CDK14: variants seen among roughly 807,000 people sequenced by gnomAD.
CDK14 encodes the protein cyclin dependent kinase 14, also known as cyclin-dependent kinase 14.
A neutral mutation model predicts 60.7 loss-of-function variants in CDK14; 34 were observed. The ratio of observed to expected loss-of-function variants is 0.56; its 90% confidence interval spans 0.43 to 0.75. The LOEUF (loss-of-function observed/expected upper bound fraction) is 0.75. CDK14 is among the 30% of genes least tolerant of loss of function. The pLI is 0.00. For synonymous variants in CDK14, 197 were observed against 203.7 expected, an observed-to-expected ratio of 0.97 and a Z score of 0.28; for missense variants, 482 against 564.1, an observed-to-expected ratio of 0.85 and a Z score of 1.47.
At chr7:90,750,538 A>G (rs902653662) in intron 4 of CDK14, among the ~76,000 whole-genome samples, 2 of 152,238 alleles carry the variant, frequency 1.3e-5, no homozygotes, top group Non-Finnish European at 2.9e-5. Context: ...AAAGGAAATC[A>G]GTCAGCGTTT....
chr7:90,597,850 T>G (rs1799228452), intron 1 of CDK14, among the ~76,000 whole-genome samples: 1 of 134,332 alleles, frequency 7.4e-6, no homozygotes, highest in South Asian at 2.3e-4. Context: ...TTTTTTTTTT[T>G]GTCTTTCGAC....
chr7:90,605,102 T>C (rs1799390539), intron 2 of CDK14, among the ~76,000 whole-genome samples: 1 of 152,210 alleles, frequency 6.6e-6, no homozygotes, highest in Admixed American at 6.5e-5. Context: ...TTTTAATAGT[T>C]ACATATTCCA....
chr7:90,677,926 C>G (rs1175226434), intron 2 of CDK14, among the ~76,000 whole-genome samples: 1 of 152,152 alleles, frequency 6.6e-6, no homozygotes, highest in African/African-American at 2.4e-5. Context: ...TAGGATGATG[C>G]CCAGTGGTGC....
chr7:90,825,381 T>C (rs571309570), intron 5 of CDK14, among the ~76,000 whole-genome samples: 16 of 152,188 alleles, frequency 1.1e-4, no homozygotes, highest in Non-Finnish European at 2.1e-4. Flanking sequence ...AGAAAAGTTA[T>C]GTATAAAGGA....
chr7:90,637,303 T>C (rs1036176119), intron 2 of CDK14, among the ~76,000 whole-genome samples: 1 of 151,920 alleles, frequency 6.6e-6, no homozygotes, highest in African/African-American at 2.4e-5. Context: ...CACACTGCTT[T>C]GAATGTGTCC....
intron 14 of CDK14, among the ~76,000 whole-genome samples, chr7:91,184,948 G>A (rs1802124084): frequency 2.6e-5 from 4 of 151,776 alleles, no homozygotes; most frequent in Admixed American, 2.0e-4. Flanking sequence ...AAATCCTAGA[G>A]AAGAAGGGCA....
intron 12 of CDK14, among the ~76,000 whole-genome samples, chr7:91,098,519 AAGAAAGAG>A (rs1204605254): frequency 2.7e-5 from 4 of 148,940 alleles, no homozygotes; most frequent in African/African-American, 4.9e-5. Context: ...AAGAAAAAGA[AAGAAAGAG>A]AAAAAAAAAA....
intron 14 of CDK14, among the ~76,000 whole-genome samples, chr7:91,178,650 C>A (rs1318194035): frequency 1.3e-5 from 2 of 152,096 alleles, no homozygotes; most frequent in African/African-American, 2.4e-5. Flanking sequence ...GGGCGAAGGA[C>A]ATGAACAGAC....
intron 10 of CDK14, among the ~76,000 whole-genome samples, chr7:90,989,653 T>C (rs1795476467): frequency 6.6e-6 from 1 of 152,166 alleles, no homozygotes; most frequent in African/African-American, 2.4e-5. Context: ...CGGTGGATTC[T>C]ATATTAGTTA....
intron 8 of CDK14, among the ~76,000 whole-genome samples, chr7:90,937,894 A>C (rs1793804726): frequency 6.6e-6 from 1 of 152,242 alleles, no homozygotes; most frequent in Admixed American, 6.5e-5. Context: ...TAATGAAATA[A>C]TTTGTAATAT....
At chr7:90,881,322 C>G (rs58917773) in intron 6 of CDK14, among the ~76,000 whole-genome samples, 1 of 151,962 alleles carries the variant, frequency 6.6e-6, no homozygotes, top group Admixed American at 6.6e-5. Context: ...GCTGAATAGA[C>G]CAGGCAGAAA....
At chr7:90,957,049 A>G (rs903397063) in intron 9 of CDK14, among the ~76,000 whole-genome samples, 2 of 149,910 alleles carry the variant, frequency 1.3e-5, no homozygotes, top group African/African-American at 4.9e-5. Flanking sequence ...AGTCTTTGCT[A>G]TTGTGAATAA....
chr7:90,983,459 C>T (rs1233324251), intron 9 of CDK14, among the ~76,000 whole-genome samples: 2 of 152,070 alleles, frequency 1.3e-5, no homozygotes, highest in Non-Finnish European at 2.9e-5. Flanking sequence ...ACGGGCGGAT[C>T]ACAAGGTCAG....
chr7:90,764,451 C>G (rs892658449), intron 4 of CDK14, among the ~76,000 whole-genome samples: 2 of 152,150 alleles, frequency 1.3e-5, no homozygotes, highest in East Asian at 3.9e-4. Flanking sequence ...TAGTCAAATG[C>G]TCCCAGTCTA....
At chr7:90,614,745 GCTGT>G (rs1799615069) in intron 2 of CDK14, among the ~76,000 whole-genome samples, 1 of 151,968 alleles carries the variant, frequency 6.6e-6, no homozygotes, top group Non-Finnish European at 1.5e-5. Context: ...ACTGTACCTG[GCTGT>G]CTTTTAGTTT....
At chr7:91,060,615 C>T (rs924506928) in intron 11 of CDK14, among the ~76,000 whole-genome samples, 3 of 152,166 alleles carry the variant, frequency 2.0e-5, no homozygotes, top group South Asian at 2.1e-4. Flanking sequence ...AATCTCTCAG[C>T]ATTTGCCTTT....
chr7:90,980,930 G>A (rs920424062), intron 9 of CDK14, among the ~76,000 whole-genome samples: 2 of 152,156 alleles, frequency 1.3e-5, no homozygotes, highest in Non-Finnish European at 2.9e-5. Context: ...AATTCTATAA[G>A]TAGTTCTGGC....
intron 5 of CDK14, among the ~76,000 whole-genome samples, chr7:90,807,156 GACAGACTGCCTCCTCAAGT>G (rs1788880402): frequency 6.6e-6 from 1 of 152,242 alleles, no homozygotes; most frequent in South Asian, 2.1e-4. Flanking sequence ...TCTGAGAATG[GACAGACTGCCTCCTCAAGT>G]GGGTCCCTGA....
intron 5 of CDK14, among the ~76,000 whole-genome samples, chr7:90,813,401 A>G (rs78846876): frequency 0.015 from 2,297 of 152,280 alleles, 50 homozygotes; most frequent in African/African-American, 0.051. Flanking sequence ...TATGCATACA[A>G]CTGGTGGGTT....
Sources: allele counts gnomAD v4.1 joint callset (sites outside exome capture counted in the v4.1 genomes callset), GRCh38; gene constraint gnomAD v4.1.1; transcripts MANE v1.5; gene names NCBI Gene and HGNC (gene_info 2026-07-23, HGNC 2026-07-21).